The following ANXA8 variants were observed in gnomAD, a reference collection of about 807,000 sequenced individuals.
ANXA8 encodes annexin A8, also known as VAC-beta.
ANXA8 carries 9 observed loss-of-function variants against 26.8 expected under a neutral mutation model. That is an observed-to-expected ratio of 0.34 (90% CI 0.20 to 0.59). The LOEUF (loss-of-function observed/expected upper bound fraction) is 0.59, where lower values mean the gene tolerates loss of function less well. ANXA8 is among the 20% of genes least tolerant of loss of function. The pLI, the probability that ANXA8 is intolerant of heterozygous loss-of-function variation, is 0.84. For synonymous variants in ANXA8, 39 were observed against 94.8 expected (o/e 0.41, Z 3.42); for missense variants, 83 against 238.5 (o/e 0.35, Z 4.29).
At chr10:47,549,957 A>T in the ANXA8 span, among the ~76,000 whole-genome samples, 1,209 of 148,884 alleles carry the variant, frequency 8.1e-3, 11 homozygotes, top group African/African-American at 0.028. Context: ...CATAAAAATT[A>T]AAAAAAAGGA....
At chr10:47,610,590 T>C in the ANXA8 span, among the ~76,000 whole-genome samples, 6 of 115,080 alleles carry the variant, frequency 5.2e-5, no homozygotes, top group African/African-American at 2.2e-4. Context: ...AAGGCCTACA[T>C]TTATTTATAT....
the ANXA8 span, among the ~76,000 whole-genome samples, chr10:47,526,137 C>A: frequency 8.3e-4 from 106 of 127,036 alleles, 10 homozygotes; most frequent in Non-Finnish European, 1.4e-3. Context: ...GACAGAGTCT[C>A]ACTCTGTTGC....
the ANXA8 span, among the ~76,000 whole-genome samples, chr10:47,716,233 C>CA: frequency 8.7e-6 from 1 of 115,074 alleles, no homozygotes; most frequent in African/African-American, 4.0e-5. Context: ...TTAATATAAG[C>CA]AAAAAGGCTA....
chr10:47,895,108 C>A, the ANXA8 span, among the ~76,000 whole-genome samples: 1 of 151,822 alleles, frequency 6.6e-6, no homozygotes, highest in African/African-American at 2.4e-5. Flanking sequence ...ATCACATAAA[C>A]ACACACACAC....
the ANXA8 span, among the ~76,000 whole-genome samples, chr10:47,948,963 T>C: frequency 7.1e-6 from 1 of 140,576 alleles, no homozygotes; most frequent in Non-Finnish European, 1.5e-5. Context: ...AGGTGGTTTT[T>C]TTTTTCCTGC....
chr10:47,500,554 A>G, the ANXA8 span, among the ~76,000 whole-genome samples: 579 of 147,376 alleles, frequency 3.9e-3, 5 homozygotes, highest in African/African-American at 0.014. Flanking sequence ...GCTTTCAATC[A>G]TGAGAAATCA....
At chr10:47,733,223 CTTTCTTTCTCTCTTTCTTTCTT>C in the ANXA8 span, among the ~76,000 whole-genome samples, 101 of 62,326 alleles carry the variant, frequency 1.6e-3, no homozygotes, top group Admixed American at 2.2e-3. Context: ...CTTTCTTTCT[CTTTCTTTCTCTCTTTCTTTCTT>C]TCTTTCTTTC....
the ANXA8 span, among the ~76,000 whole-genome samples, chr10:47,665,256 G>A: frequency 6.7e-6 from 1 of 148,264 alleles, no homozygotes; most frequent in Non-Finnish European, 1.5e-5. Flanking sequence ...ACATTATGGA[G>A]GTCAAGTTTT....
the ANXA8 span, chr10:47,565,691 G>T: frequency 2.3e-6 from 1 of 438,796 alleles, no homozygotes; most frequent in East Asian, 3.7e-5. Flanking sequence ...GGACGCCACC[G>T]CTCGACTCCC....
chr10:47,586,134 T>A, the ANXA8 span, among the ~76,000 whole-genome samples: 2 of 139,234 alleles, frequency 1.4e-5, no homozygotes, highest in Non-Finnish European at 3.0e-5. Flanking sequence ...AACCCATCTG[T>A]GCACTTTTTG....
At chr10:47,980,984 T>C in the ANXA8 span, among the ~76,000 whole-genome samples, 1 of 150,830 alleles carries the variant, frequency 6.6e-6, no homozygotes, top group Admixed American at 6.6e-5. Flanking sequence ...ATTCTCATGA[T>C]ACCAAAACAA....
chr10:47,989,376 A>T, the ANXA8 span, among the ~76,000 whole-genome samples: 2 of 116,978 alleles, frequency 1.7e-5, no homozygotes, highest in African/African-American at 5.9e-5. Context: ...GTGTAACCGC[A>T]TCCCTGAGGA....
chr10:47,659,166 C>G, the ANXA8 span, among the ~76,000 whole-genome samples: 1 of 151,222 alleles, frequency 6.6e-6, no homozygotes, highest in South Asian at 2.1e-4. Context: ...CCACTGCACC[C>G]GGCTGTGTTG....
At chr10:47,620,008 G>A in the ANXA8 span, among the ~76,000 whole-genome samples, 6 of 106,978 alleles carry the variant, frequency 5.6e-5, no homozygotes. Flanking sequence ...CTATTTCTTA[G>A]GGTACACAAA....
chr10:47,590,683 G>C, the ANXA8 span, among the ~76,000 whole-genome samples: 1 of 146,046 alleles, frequency 6.8e-6, no homozygotes. Flanking sequence ...CCTTGGTGTA[G>C]AGCTGATGAT....
At chr10:47,685,718 G>T in the ANXA8 span, among the ~76,000 whole-genome samples, 2 of 150,900 alleles carry the variant, frequency 1.3e-5, no homozygotes, top group African/African-American at 4.9e-5. Context: ...GAGGAAGAGA[G>T]AGAGAGAGAA....
the ANXA8 span, among the ~76,000 whole-genome samples, chr10:47,973,858 T>C: frequency 1.3e-5 from 2 of 151,210 alleles, no homozygotes; most frequent in African/African-American, 4.8e-5. Context: ...GTTCTTTGTA[T>C]GTCTGATAGA....
chr10:47,668,610 T>G, the ANXA8 span, among the ~76,000 whole-genome samples: 1 of 151,680 alleles, frequency 6.6e-6, no homozygotes, highest in Non-Finnish European at 1.5e-5. Context: ...TTTTATTTAT[T>G]TATTTTTTAT....
At chr10:47,755,206 C>T in the ANXA8 span, among the ~76,000 whole-genome samples, 15 of 151,556 alleles carry the variant, frequency 9.9e-5, no homozygotes, top group Non-Finnish European at 1.6e-4. Flanking sequence ...CCACCCCTCT[C>T]GGTCTCCCAA....
Sources: gnomAD v4.1 joint callset for allele counts (sites outside exome capture counted in the v4.1 genomes callset) on GRCh38, gnomAD v4.1.1 for gene constraint, MANE v1.5 for transcripts, NCBI Gene and HGNC (gene_info 2026-07-23, HGNC 2026-07-21) for gene names.